Variants in ELP4 observed in about 807,000 individuals in gnomAD.
ELP4 encodes the protein elongator acetyltransferase complex subunit 4.
Under a neutral mutation model 48.9 loss-of-function variants are expected in ELP4, and 51 were observed. The ratio of observed to expected loss-of-function variants is 1.04; its 90% CI spans 0.83 to 1.32. The LOEUF is 1.32. ELP4 is among the 40% of genes most tolerant of loss of function. The pLI, the probability that ELP4 is intolerant of heterozygous loss-of-function variation, is 0.00. For synonymous variants in ELP4, 210 were observed against 189.2 expected (o/e 1.11, Z -0.90); for missense variants, 519 against 514.6 (o/e 1.01, Z -0.08).
intron 5 of ELP4, among the ~76,000 whole-genome samples, chr11:31,620,299 A>G (rs538352522): frequency 2.0e-5 from 3 of 151,982 alleles, no homozygotes; most frequent in Non-Finnish European, 4.4e-5. Flanking sequence ...GGAAGTGAGG[A>G]TAAGGATTGA....
rs146933825 is a variant in ELP4 at position 31,541,797 on chromosome 11, A to G, written c.381+2014A>G. ...GTGTACTTTACATATCCTTCTTTAG[A>G]TTATGTGAAGGAGTTTGAAGCTATA... is the stretch of plus-strand genomic sequence containing the variant. On this transcript the variant is annotated intron_variant, in intron 3 of 9. Coordinates refer to ENST00000640961, the MANE Select transcript of ELP4 (RefSeq NM_019040.5). 4.3e-3 allele frequency among the ~76,000 whole-genome samples: 657 copies of G among 152,308 alleles called. 4 individuals carry two copies. The highest frequency in any genetic ancestry group is 0.015 in the African/African-American group (627 of 41,582).
At chr11:31,673,331 T>TTTTG (rs979307736) in intron 9 of ELP4, among the ~76,000 whole-genome samples, 1 of 151,588 alleles carries the variant, frequency 6.6e-6, no homozygotes, top group Non-Finnish European at 1.5e-5. Context: ...GTTTGTTTGT[T>TTTTG]TTTGTTTGTT....
At chr11:31,719,028 G>A (rs1339275355) in intron 9 of ELP4, among the ~76,000 whole-genome samples, 1 of 152,070 alleles carries the variant, frequency 6.6e-6, no homozygotes, top group African/African-American at 2.4e-5. Context: ...GGAGAGCAAG[G>A]TGGGAGGATC....
At chr11:31,707,040 G>T in intron 9 of ELP4, 2 of 398,250 alleles carry the variant, frequency 5.0e-6, no homozygotes, top group Non-Finnish European at 8.9e-6. Context: ...TGCAGTAGAC[G>T]TGGATGTCCG....
chr11:31,743,994 G>C (rs925723029), intron 9 of ELP4, among the ~76,000 whole-genome samples: 5 of 152,028 alleles, frequency 3.3e-5, no homozygotes, highest in Non-Finnish European at 5.9e-5. Context: ...TAGACCACTA[G>C]CAAGACCAAT....
intron 1 of ELP4, among the ~76,000 whole-genome samples, chr11:31,518,895 C>CAAAAA (rs34767268): frequency 1.5e-5 from 1 of 66,992 alleles, no homozygotes; most frequent in African/African-American, 4.6e-5. Flanking sequence ...GACTCTGTCT[C>CAAAAA]AAAAAAAAAA....
At chr11:31,583,520 T>G (rs924301390) in intron 3 of ELP4, among the ~76,000 whole-genome samples, 4 of 152,120 alleles carry the variant, frequency 2.6e-5, no homozygotes, top group Non-Finnish European at 4.4e-5. Context: ...GAGGATTCCT[T>G]GAACCCCAGA....
In ELP4 at chr11:31,784,105, A is replaced by G. The variant is rs773940423; in HGVS notation, c.*581A>G. ...ATTAAATATAAAGAACTTCAGTGATAGGAAACATAGAAAAAAGAAGTGGAT... is the reference window on the plus strand; with the variant it reads ...ATTAAATATAAAGAACTTCAGTGATGGGAAACATAGAAAAAAGAAGTGGAT... On this transcript the variant is annotated 3_prime_UTR_variant, in exon 10 of 10. Coordinates refer to ENST00000640961, the MANE Select transcript of ELP4 (RefSeq NM_019040.5). 6.6e-6 allele frequency: 1 copy of G among 152,252 alleles called. No homozygotes were observed. The highest frequency in any genetic ancestry group is 1.5e-5 in the Non-Finnish European group (1 of 68,038). The allele number at this position is 152,252 out of a possible 1,614,324, so 9.4% of individuals were successfully genotyped here.
intron 7 of ELP4, among the ~76,000 whole-genome samples, chr11:31,635,556 A>G (rs1592178195): frequency 1.3e-5 from 2 of 151,982 alleles, no homozygotes; most frequent in African/African-American, 4.8e-5. Context: ...TCGATGATAG[A>G]AAGAACCTGG....
intron 3 of ELP4, 144 bp downstream of exon 3, chr11:31,539,927 T>A: frequency 3.2e-6 from 2 of 626,160 alleles, no homozygotes; most frequent in Non-Finnish European, 4.6e-6. Context: ...AAAATCTCAG[T>A]AAAAAGTATC....
At chr11:31,682,218 A>G in intron 9 of ELP4, 1 of 512,690 alleles carries the variant, frequency 2.0e-6, no homozygotes, top group South Asian at 4.6e-5. Flanking sequence ...GATATTTGCC[A>G]GGATCTGAAT....
intron 9 of ELP4, among the ~76,000 whole-genome samples, chr11:31,726,665 A>G (rs1187688436): frequency 1.3e-5 from 2 of 152,198 alleles, no homozygotes; most frequent in African/African-American, 2.4e-5. Context: ...AAAGAAAAAA[A>G]AAAGGGAATC....
chr11:31,547,734 T>G (rs980830007), intron 3 of ELP4, among the ~76,000 whole-genome samples: 21 of 152,192 alleles, frequency 1.4e-4, no homozygotes, highest in African/African-American at 4.8e-4. Flanking sequence ...GCAAAAATCC[T>G]CAATAAAATA....
At chr11:31,747,565 T>G (rs559016249) in intron 9 of ELP4, among the ~76,000 whole-genome samples, 4 of 152,324 alleles carry the variant, frequency 2.6e-5, no homozygotes, top group South Asian at 4.1e-4. Flanking sequence ...ATAGCCTATA[T>G]AAAATTCACT....
At chr11:31,695,792 G>T (rs1946390770) in intron 9 of ELP4, among the ~76,000 whole-genome samples, 3 of 105,830 alleles carry the variant, frequency 2.8e-5, no homozygotes, top group African/African-American at 6.6e-5. Flanking sequence ...GAATCCATCT[G>T]ATCCTGAGCT....
intron 9 of ELP4, among the ~76,000 whole-genome samples, chr11:31,712,502 A>G (rs1946763119): frequency 6.6e-6 from 1 of 152,174 alleles, no homozygotes; most frequent in Non-Finnish European, 1.5e-5. Context: ...TTATATTAAT[A>G]AATCCTAAGA....
At chr11:31,613,349 G>T (rs547086630) in intron 5 of ELP4, among the ~76,000 whole-genome samples, 44 of 152,206 alleles carry the variant, frequency 2.9e-4, no homozygotes, top group Middle Eastern at 3.4e-3. Context: ...ATAAGCTCAT[G>T]AAAGACTGCA....
chr11:31,551,107 A>G (rs940477219), intron 3 of ELP4, among the ~76,000 whole-genome samples: 1 of 152,176 alleles, frequency 6.6e-6, no homozygotes, highest in Admixed American at 6.5e-5. Context: ...GCAGTTTTGG[A>G]ACCCATAGAG....
intron 3 of ELP4, among the ~76,000 whole-genome samples, chr11:31,550,144 A>T (rs1038237873): frequency 1.3e-5 from 2 of 152,172 alleles, no homozygotes; most frequent in African/African-American, 4.8e-5. Flanking sequence ...TAAAAAAAAA[A>T]TAAAAAATAA....
Sources: allele counts gnomAD v4.1 joint callset (sites outside exome capture counted in the v4.1 genomes callset), GRCh38; gene constraint gnomAD v4.1.1; transcripts MANE v1.5; gene names NCBI Gene and HGNC (gene_info 2026-07-23, HGNC 2026-07-21).